CEP192: variants seen among roughly 807,000 people sequenced by gnomAD.
CEP192 encodes centrosomal protein 192.
In CEP192, 151 loss-of-function variants were observed where a neutral mutation model predicts 271.8. The ratio of observed to expected loss-of-function variants is 0.56; its 90% CI spans 0.49 to 0.64. The LOEUF (loss-of-function observed/expected upper bound fraction) is 0.64, where lower values mean the gene tolerates loss of function less well. Among genes scored for constraint, CEP192 ranks in the 30% least tolerant of loss-of-function variants. The pLI is 0.00. For synonymous variants in CEP192, 995 were observed against 1,076.5 expected, an observed-to-expected ratio of 0.92 and a Z score of 1.48; for missense variants, 2,910 against 3,020.5, an observed-to-expected ratio of 0.96 and a Z score of 0.86.
rs776338910 is a variant in CEP192, at chr18:13,056,271, T to TA, written c.3682dup (p.Ile1228AsnfsTer12). The TA allele has an allele frequency of 6.2e-7, 1 of 1,613,896 alleles. No homozygotes were observed. On this transcript the variant is annotated frameshift_variant, in exon 19 of 45. Transcript: ENST00000506447. LOFTEE classifies it high-confidence loss of function. ...CCACCTCTGAAAACCAGTGTACTCC[T>TA]ATTCCCAGCAGCACAGTTCACAGCT...
chr18:13,093,408 T>C (rs2039245055), intron 34 of CEP192, among the ~76,000 whole-genome samples: 1 of 152,244 alleles, frequency 6.6e-6, no homozygotes, highest in South Asian at 2.1e-4. Flanking sequence ...GGTTATCCTA[T>C]CTGCTTACTC....
At chr18:13,076,371 C>T (rs1381955647) in intron 30 of CEP192, among the ~76,000 whole-genome samples, 7 of 151,704 alleles carry the variant, frequency 4.6e-5, no homozygotes, top group Non-Finnish European at 8.8e-5. Context: ...ACTACAGGCG[C>T]GTGCCACCAC....
chr18:13,092,601 C>T, intron 34 of CEP192, 74 bp downstream of exon 34: 1 of 1,009,302 alleles, frequency 9.9e-7, no homozygotes, highest in Non-Finnish European at 1.5e-6. Flanking sequence ...ATCTTTTTTC[C>T]TGTACTTCAC....
intron 2 of CEP192, chr18:13,000,266 C>T (rs922878500): frequency 6.6e-6 from 1 of 151,894 alleles, no homozygotes; most frequent in African/African-American, 2.4e-5. Flanking sequence ...GGCCTCTGCT[C>T]TTTTTTAATA....
chr18:13,018,808 T>C (rs147453007), intron 8 of CEP192, among the ~76,000 whole-genome samples, 193 bp downstream of exon 8: 314 of 152,330 alleles, frequency 2.1e-3, no homozygotes, highest in Middle Eastern at 6.8e-3. Context: ...AGAAATACCG[T>C]AGTATATATT....
intron 40 of CEP192, among the ~76,000 whole-genome samples, chr18:13,110,514 A>G (rs756902731): frequency 1.3e-5 from 2 of 152,180 alleles, no homozygotes; most frequent in South Asian, 2.1e-4. Context: ...GGAGAACTGG[A>G]TAGCCACATG....
intron 1 of CEP192, among the ~76,000 whole-genome samples, chr18:12,992,723 G>A (rs1237616847): frequency 6.6e-6 from 1 of 152,170 alleles, no homozygotes; most frequent in Non-Finnish European, 1.5e-5. Context: ...ATCTTCCCGT[G>A]GGTTTTGTTA....
intron 20 of CEP192, 159 bp downstream of exon 20, chr18:13,057,892 TTGTAGAG>T (rs2037200941): frequency 2.0e-6 from 1 of 503,616 alleles, no homozygotes; most frequent in Non-Finnish European, 3.4e-6. Context: ...GTTGTAGTGC[TTGTAGAG>T]TGTAAAGTGA....
intron 11 of CEP192, among the ~76,000 whole-genome samples, chr18:13,031,251 T>G (rs1265183378): frequency 3.5e-5 from 5 of 143,990 alleles, no homozygotes; most frequent in South Asian, 2.3e-4. Context: ...TTGTTTTTTT[T>G]TTTTTTTTTT....
Position 13,057,601 on chromosome 18 carries a change from C to T in CEP192, c.4125C>T (p.Pro1375=), listed in dbSNP as rs577004144. 1.5e-5 allele frequency: 25 copies of T among 1,613,950 alleles called. No individual in the cohort carries two copies. In the East Asian group the frequency reaches 3.8e-4, roughly 24 times the overall value. Residue 1375 remains proline, a synonymous_variant, in exon 20 of 45, where the codon CCC becomes CCT. Coordinates refer to ENST00000506447, the MANE Select transcript of CEP192 (RefSeq NM_032142.4). ...VTSGLGSVRV[P]EELKLPHACC... is the part of the protein sequence containing the mutation. ...CTCACCCAGGGAGTGTCCGAGTGCCCGAGGAGTTGAAGCTTCCTCATGCTT... is the reference window on the plus strand; with the variant it reads ...CTCACCCAGGGAGTGTCCGAGTGCCTGAGGAGTTGAAGCTTCCTCATGCTT...
chr18:13,082,914 GA>G (rs1328431032), intron 30 of CEP192, among the ~76,000 whole-genome samples: 1 of 152,198 alleles, frequency 6.6e-6, no homozygotes, highest in Non-Finnish European at 1.5e-5. Flanking sequence ...ATTCTGGGTT[GA>G]AAATTCTTTC....
rs80346716 is a variant in CEP192, at chr18:13,008,124, G to A, written c.291-332G>A. Among the ~76,000 whole-genome samples the A allele has an allele frequency of 6.0e-3, 907 of 152,340 alleles. 15 individuals are homozygous for A. The highest frequency in any genetic ancestry group is 0.021 in the African/African-American group (870 of 41,584). ...AAATATGCCAATATCCTTTAAGTCT[G>A]CAGATTTTAGAAAGCTGAATTATGT... On this transcript the variant is annotated intron_variant, in intron 3 of 44. Transcript: ENST00000506447.
At chr18:13,069,307 G>A (rs1254588333) in intron 26 of CEP192, 126 bp downstream of exon 26, 12 of 754,402 alleles carry the variant, frequency 1.6e-5, no homozygotes, top group East Asian at 1.2e-4. Flanking sequence ...TGAAAGAATC[G>A]CTGAGAGTTT....
At position 13,003,290 on chromosome 18, in the gene CEP192, AAC is replaced by A. The variant is rs992833737; in HGVS notation, c.290+1712_290+1713del. On this transcript the variant is annotated intron_variant, in intron 3 of 44. Coordinates refer to ENST00000506447, the MANE Select transcript of CEP192 (RefSeq NM_032142.4). ...ATGGTGAAATCCCATCTCTACCAAA[AAC>A]ACAAAAATTAGCCAAGCATAATGGC... Among the ~76,000 whole-genome samples the A allele has an allele frequency of 4.6e-5, 7 of 151,918 alleles. No individual in the cohort carries two copies. The South Asian group carries it at 1.2e-3, about 27-fold the overall frequency.
chr18:13,049,121 A>C lies in CEP192; in HGVS notation c.2330A>C (p.Asn777Thr), dbSNP rs545371450. The C allele has an allele frequency of 3.1e-6, 5 of 1,613,928 alleles. No individual in the cohort carries two copies. The highest frequency in any genetic ancestry group is 4.2e-6 in the Non-Finnish European group (5 of 1,179,984). Residue 777 changes from asparagine (N) to threonine (T), a missense_variant, in exon 16 of 45, where the codon AAT (asparagine) becomes ACT (threonine). By Grantham distance (65) the Asn-to-Thr change is moderately conservative. Transcript: ENST00000506447. ...GATTTAGAAAAAAGTAATGGATCCA[A>C]TGCACTTGATATGGAGAAATACCTT... ...PNDLEKSNGS[N>T]ALDMEKYLKK...
intron 43 of CEP192, 112 bp downstream of exon 43, chr18:13,116,615 A>C: frequency 8.7e-7 from 1 of 1,144,644 alleles, no homozygotes; most frequent in Non-Finnish European, 1.2e-6. Flanking sequence ...GAATGAGGTA[A>C]TTTTTCTTTT....
intron 21 of CEP192, among the ~76,000 whole-genome samples, chr18:13,066,963 C>CTGTGTG (rs56795701): frequency 0.042 from 6,035 of 143,432 alleles, 238 homozygotes; most frequent in Admixed American, 0.094. Flanking sequence ...GTGAGCACGT[C>CTGTGTG]TGTGTGTGTG....
chr18:13,118,469 C>T (rs576144399), intron 44 of CEP192, among the ~76,000 whole-genome samples: 1 of 152,270 alleles, frequency 6.6e-6, no homozygotes, highest in Non-Finnish European at 1.5e-5. Context: ...GAGGACTGTT[C>T]CTTCCACCTT....
intron 30 of CEP192, among the ~76,000 whole-genome samples, chr18:13,080,355 C>A (rs946316835): frequency 3.3e-5 from 5 of 152,156 alleles, no homozygotes; most frequent in African/African-American, 1.2e-4. Flanking sequence ...TCCTTCACAT[C>A]CCTTGTAAGT....
Sources: gnomAD v4.1 joint callset for allele counts (sites outside exome capture counted in the v4.1 genomes callset) on GRCh38, gnomAD v4.1.1 for gene constraint, MANE v1.5 for transcripts, NCBI Gene and HGNC (gene_info 2026-07-23, HGNC 2026-07-21) for gene names.